Variants in MYEF2 observed in about 807,000 individuals in gnomAD.
MYEF2 encodes myelin gene expression factor 2.
A neutral mutation model predicts 75.2 loss-of-function variants in MYEF2; 37 were observed. That is an observed-to-expected ratio of 0.49 (90% CI 0.38 to 0.65). The LOEUF (loss-of-function observed/expected upper bound fraction) is 0.65, where lower values mean the gene tolerates loss of function less well. Ranked by LOEUF, MYEF2 falls within the 30% of genes least tolerant of loss-of-function variation. The probability of loss-of-function intolerance (pLI) is 0.00; values close to 1 mark genes in which losing one functional copy is unlikely to be tolerated. For missense variants in MYEF2, 634 were observed against 771.4 expected (o/e 0.82, Z 2.11); for synonymous variants, 195 against 241.6 (o/e 0.81, Z 1.79).
In MYEF2 at chr15:48,142,225, T is replaced by C; in HGVS notation, c.*683A>G. The C allele has an allele frequency of 1.2e-6, 2 of 1,613,856 alleles. No homozygotes were observed. The highest frequency in any genetic ancestry group is 2.7e-5 in the African/African-American group (2 of 75,040). ...TTCTTTTTTTAGCAGTTCACTTCAA[T>C]GGCTGGAAACTAGACAGAAAGTTGG... On this transcript the variant is annotated 3_prime_UTR_variant, in exon 17 of 17. Coordinates refer to ENST00000324324, the MANE Select transcript of MYEF2 (RefSeq NM_016132.5).
intron 16 of MYEF2, among the ~76,000 whole-genome samples, chr15:48,144,369 T>G (rs1418565800): frequency 3.9e-5 from 6 of 152,034 alleles, no homozygotes; most frequent in Admixed American, 3.9e-4. Context: ...TCCCTATTAC[T>G]GCATTTCTTT....
rs539537059 is a variant in MYEF2 at position 48,137,658 on chromosome 15, T to C, written c.*5250A>G. 6 of 152,184 alleles carry C rather than the reference T, an allele frequency of 3.9e-5. No individual in the cohort carries two copies. Among genetic ancestry groups the C allele is most frequent in the Non-Finnish European group, 7.4e-5 (5 of 68,018 alleles). The allele number at this position is 152,184 out of a possible 1,614,324, so 9.4% of individuals were successfully genotyped here. ...ATAAATGAGAACAGATGTGAGACTATATGAAGGAAGCATCACCAAGACTAT... is the reference window on the plus strand; with the variant it reads ...ATAAATGAGAACAGATGTGAGACTACATGAAGGAAGCATCACCAAGACTAT... On this transcript the variant is annotated 3_prime_UTR_variant, in exon 17 of 17. Transcript: ENST00000324324.
chr15:48,152,377 G>T, intron 10 of MYEF2, 93 bp from the exon 11 acceptor site: 1 of 1,052,142 alleles, frequency 9.5e-7, no homozygotes, highest in Non-Finnish European at 1.4e-6. Flanking sequence ...GATACCACTG[G>T]TATAACCACA....
In MYEF2 at chr15:48,143,018, C is replaced by T. The variant is rs1314053339; in HGVS notation, c.1693G>A (p.Gly565Arg). The T allele has an allele frequency of 6.3e-7, 1 of 1,597,482 alleles. No individual in the cohort carries two copies. Among genetic ancestry groups the T allele is most frequent in the Non-Finnish European group, 8.5e-7 (1 of 1,173,258 alleles). Residue 565 changes from glycine to arginine, a missense_variant, in exon 17 of 17, where the codon GGA becomes AGA. Coordinates refer to ENST00000324324, the MANE Select transcript of MYEF2 (RefSeq NM_016132.5). Reference protein sequence around the residue: ...KMENGKSKGCGTVRFDSPESA... With the variant: ...KMENGKSKGCRTVRFDSPESA... ...TCTGGGGAGTCAAATCTGACTGTTC[C>T]ACAGCCTTTTGACTTTCCATTCTCC... is the stretch of plus-strand genomic sequence containing the variant.
chr15:48,153,803 A>G lies in MYEF2; in HGVS notation c.1076T>C (p.Leu359Ser). The G allele has an allele frequency of 6.2e-7, 1 of 1,613,142 alleles. No individual in the cohort carries two copies. The highest frequency in any genetic ancestry group is 8.5e-7 in the Non-Finnish European group (1 of 1,179,352). The stretch of plus-strand genomic sequence containing the variant: ...GTTAGAATACTCACCACCTGGACCT[A>G]AATTTCCCATTACTCCACCTATGTT... ...QLNIGGVMGN[L>S]GPGGMGMDGP... Residue 359 changes from leucine (L) to serine (S), a missense_variant, in exon 10 of 17, where the codon TTA (leucine) becomes TCA (serine). Coordinates refer to ENST00000324324, the MANE Select transcript of MYEF2 (RefSeq NM_016132.5).
intron 7 of MYEF2, among the ~76,000 whole-genome samples, chr15:48,158,514 T>C (rs2039795356): frequency 6.6e-6 from 1 of 152,146 alleles, no homozygotes; most frequent in African/African-American, 2.4e-5. Flanking sequence ...AATTGTTAAA[T>C]CCATGTATAC....
At chr15:48,161,354 T>A (rs548724051) in intron 5 of MYEF2, among the ~76,000 whole-genome samples, 1 of 152,040 alleles carries the variant, frequency 6.6e-6, no homozygotes, top group Non-Finnish European at 1.5e-5. Context: ...CTCTAAAGTC[T>A]GTTAAGGAAC....
Position 48,142,474 on chromosome 15 carries a change from T to G in MYEF2, c.*434A>C, listed in dbSNP as rs1033992357. On this transcript the variant is annotated 3_prime_UTR_variant, in exon 17 of 17. Transcript: ENST00000324324. The stretch of plus-strand genomic sequence containing the variant: ...CTTAGAATCTAAAACTTACAGTAAT[T>G]TAAAACCAACCAAAATCACATCCTA... 1.3e-6 allele frequency: 1 copy of G among 753,140 alleles called. No individual in the cohort carries two copies. Among genetic ancestry groups the G allele is most frequent in the Non-Finnish European group, 1.9e-6 (1 of 515,550 alleles). 46.7% of individuals were successfully genotyped at this position (753,140 alleles called of 1,614,324 possible).
chr15:48,165,022 A>G (rs1409383538), intron 5 of MYEF2, among the ~76,000 whole-genome samples: 1 of 152,180 alleles, frequency 6.6e-6, no homozygotes, highest in East Asian at 1.9e-4. Context: ...TAGTACTACT[A>G]CCATTACTTC....
At chr15:48,171,842 A>G (rs1324332001) in intron 1 of MYEF2, among the ~76,000 whole-genome samples, 1 of 152,224 alleles carries the variant, frequency 6.6e-6, no homozygotes, top group African/African-American at 2.4e-5. Flanking sequence ...CTGTTCATTT[A>G]GACAACCACT....
At chr15:48,170,892 A>G (rs1475229375) in intron 1 of MYEF2, among the ~76,000 whole-genome samples, 2 of 152,210 alleles carry the variant, frequency 1.3e-5, no homozygotes, top group Non-Finnish European at 2.9e-5. Flanking sequence ...TCATCTGAGC[A>G]CAGATGTTGC....
rs976224060 is a variant in MYEF2, at chr15:48,157,851, G to A, written c.985+142C>T. ...ATCTTCTCAGTCTTCCTAATCAATA[G>A]CGCCAAACTATCTTCATAACTCCAA... is the stretch of plus-strand genomic sequence containing the variant. On this transcript the variant is annotated intron_variant, in intron 9 of 16. Transcript: ENST00000324324. 13 of 1,425,032 alleles carry A rather than the reference G, an allele frequency of 9.1e-6. No individual in the cohort carries two copies. The African/African-American group carries it at 1.6e-4, about 17-fold the overall frequency. The allele number at this position is 1,425,032 out of a possible 1,614,324, so 88.3% of individuals were successfully genotyped here. A position where few individuals can be genotyped will look rare whatever the true frequency, so the allele number is the denominator to read the frequency against.
Position 48,143,089 on chromosome 15 carries a change from C to A in MYEF2, c.1640-18G>T, listed in dbSNP as rs777198122. On this transcript the variant is annotated intron_variant, in intron 16 of 16. Transcript: ENST00000324324. The stretch of plus-strand genomic sequence containing the variant: ...TACATGACCTGTAAAATAAAAGTTA[C>A]AGAATTACTAGTCAGTTTAAATAAG... 1 of 1,489,400 alleles carries A rather than the reference C, an allele frequency of 6.7e-7. No individual in the cohort carries two copies. Among genetic ancestry groups the A allele is most frequent in the Non-Finnish European group, 8.9e-7 (1 of 1,119,336 alleles). The allele number at this position is 1,489,400 out of a possible 1,614,324, so 92.3% of individuals were successfully genotyped here.
At chr15:48,163,215 A>G (rs1460603003) in intron 5 of MYEF2, among the ~76,000 whole-genome samples, 1 of 152,218 alleles carries the variant, frequency 6.6e-6, no homozygotes, top group African/African-American at 2.4e-5. Context: ...AAGAAGGATA[A>G]CACAACACAG....
In MYEF2 at chr15:48,153,837, T is replaced by G; in HGVS notation, c.1042A>C (p.Ser348Arg). 1 of 1,613,566 alleles carries G rather than the reference T, an allele frequency of 6.2e-7. No homozygotes were observed. Among genetic ancestry groups the G allele is most frequent in the Non-Finnish European group, 8.5e-7 (1 of 1,179,672 alleles). Residue 348 changes from serine (S) to arginine (R), a missense_variant, in exon 10 of 17, where the codon AGC becomes CGC. Coordinates refer to ENST00000324324, the MANE Select transcript of MYEF2 (RefSeq NM_016132.5). Reference protein sequence around the residue: ...LGPGGQPISASQLNIGGVMGN... With the variant: ...LGPGGQPISARQLNIGGVMGN... ...ATTACTCCACCTATGTTCAACTGGC[T>G]GGCACTAATAGGCTGTCCACCCGGA...
At chr15:48,171,061 G>GTACC (rs750380941) in intron 1 of MYEF2, among the ~76,000 whole-genome samples, 3 of 152,136 alleles carry the variant, frequency 2.0e-5, no homozygotes, top group Non-Finnish European at 2.9e-5. Flanking sequence ...AATCTAGAAA[G>GTACC]TACCTACCTG....
Position 48,141,180 on chromosome 15 carries a change from A to T in MYEF2, c.*1728T>A. 6.2e-7 allele frequency: 1 copy of T among 1,613,956 alleles called. No homozygotes were observed. Among genetic ancestry groups the T allele is most frequent in the Non-Finnish European group, 8.5e-7 (1 of 1,179,848 alleles). On this transcript the variant is annotated 3_prime_UTR_variant, in exon 17 of 17. Coordinates refer to ENST00000324324, the MANE Select transcript of MYEF2 (RefSeq NM_016132.5). ...TATTAGCAGCAGGAACAAGCATACC[A>T]GACACAATTGCAAGTGTGTTGGTTG...
At chr15:48,171,618 A>G (rs1274415892) in intron 1 of MYEF2, among the ~76,000 whole-genome samples, 1 of 152,112 alleles carries the variant, frequency 6.6e-6, no homozygotes, top group African/African-American at 2.4e-5. Context: ...AAAAAAGAAA[A>G]AAAACTATAA....
intron 10 of MYEF2, 50 bp downstream of exon 10, chr15:48,153,742 A>C: frequency 3.9e-5 from 54 of 1,373,650 alleles, no homozygotes; most frequent in Non-Finnish European, 4.9e-5. Flanking sequence ...AGGCTTTATT[A>C]GCTAGCATAT....
Sources: gnomAD v4.1 joint callset for allele counts (sites outside exome capture counted in the v4.1 genomes callset) on GRCh38, gnomAD v4.1.1 for gene constraint, MANE v1.5 for transcripts, NCBI Gene and HGNC (gene_info 2026-07-23, HGNC 2026-07-21) for gene names.